SNX7: variants seen among roughly 807,000 people sequenced by gnomAD.
SNX7 encodes sorting nexin-7.
In SNX7, 35 loss-of-function variants were observed where a neutral mutation model predicts 48.4. That is an observed-to-expected ratio of 0.72 (90% CI 0.55 to 0.96). The LOEUF (loss-of-function observed/expected upper bound fraction) is 0.96, where lower values mean the gene tolerates loss of function less well. Among genes scored for constraint, SNX7 ranks in the 40% least tolerant of loss-of-function variants. The pLI is 0.00. For synonymous variants in SNX7, 190 were observed against 190.2 expected, an observed-to-expected ratio of 1.00 and a Z score of 0.01; for missense variants, 553 against 548.9, an observed-to-expected ratio of 1.01 and a Z score of -0.07.
chr1:98,729,555 A>G (rs1653379567), intron 7 of SNX7, among the ~76,000 whole-genome samples: 1 of 152,020 alleles, frequency 6.6e-6, no homozygotes, highest in African/African-American at 2.4e-5. Flanking sequence ...TCAAATAGAC[A>G]CAATAAAAAA....
intron 8 of SNX7, among the ~76,000 whole-genome samples, chr1:98,742,220 G>A (rs1425996455): frequency 6.6e-6 from 1 of 152,072 alleles, no homozygotes; most frequent in Admixed American, 6.6e-5. Context: ...AAAGGGTAGG[G>A]AATTCACAAA....
At chr1:98,664,743 G>A (rs1428098611) in intron 1 of SNX7, among the ~76,000 whole-genome samples, 3 of 152,112 alleles carry the variant, frequency 2.0e-5, no homozygotes, top group Non-Finnish European at 2.9e-5. Context: ...AAGTTGTTCT[G>A]AATTTTCTTA....
chr1:98,676,720 G>A (rs1650185013), intron 1 of SNX7, among the ~76,000 whole-genome samples: 1 of 152,212 alleles, frequency 6.6e-6, no homozygotes, highest in East Asian at 1.9e-4. Flanking sequence ...CCTATTCATA[G>A]TTTCACAAAA....
chr1:98,687,417 A>G (rs1487586346), intron 2 of SNX7, among the ~76,000 whole-genome samples: 1 of 152,086 alleles, frequency 6.6e-6, no homozygotes, highest in Non-Finnish European at 1.5e-5. Flanking sequence ...GACTATATCT[A>G]TATATACAGA....
At chr1:98,703,046 T>C (rs1192132749) in intron 7 of SNX7, among the ~76,000 whole-genome samples, 4 of 152,076 alleles carry the variant, frequency 2.6e-5, no homozygotes, top group African/African-American at 9.7e-5. Context: ...TAATTAGTTT[T>C]CTTTGTATAT....
At chr1:98,737,616 G>A (rs189652018) in intron 7 of SNX7, among the ~76,000 whole-genome samples, 1 of 152,250 alleles carries the variant, frequency 6.6e-6, no homozygotes, top group East Asian at 1.9e-4. Flanking sequence ...TTGATAAGGT[G>A]GGGAAGAGGG....
chr1:98,712,868 C>T (rs975320775), intron 7 of SNX7, among the ~76,000 whole-genome samples: 1 of 152,012 alleles, frequency 6.6e-6, no homozygotes, highest in Non-Finnish European at 1.5e-5. Flanking sequence ...GAGGCGGGCA[C>T]ATCACCTGAG....
chr1:98,722,744 G>A (rs972764958), intron 7 of SNX7, among the ~76,000 whole-genome samples: 1 of 151,222 alleles, frequency 6.6e-6, no homozygotes, highest in Non-Finnish European at 1.5e-5. Context: ...TTATTATTTT[G>A]CTCAAAAATG....
At chr1:98,751,147 C>T (rs1654558855) in intron 8 of SNX7, among the ~76,000 whole-genome samples, 1 of 152,026 alleles carries the variant, frequency 6.6e-6, no homozygotes, top group Admixed American at 6.6e-5. Context: ...AATAGTGATT[C>T]TCAAATGTGG....
At chr1:98,691,350 A>T (rs990736772) in intron 3 of SNX7, among the ~76,000 whole-genome samples, 165 bp downstream of exon 3, 3 of 151,594 alleles carry the variant, frequency 2.0e-5, no homozygotes, top group Non-Finnish European at 4.4e-5. Context: ...TTTTTTTTTA[A>T]AAAAAACTCT....
chr1:98,679,440 A>G (rs150381886), intron 1 of SNX7, among the ~76,000 whole-genome samples: 1 of 152,214 alleles, frequency 6.6e-6, no homozygotes, highest in East Asian at 1.9e-4. Flanking sequence ...GTCCTCACAT[A>G]TCAAAAACAA....
intron 2 of SNX7, 108 bp downstream of exon 2, chr1:98,685,175 A>G (rs2100940786): frequency 1.5e-6 from 1 of 682,906 alleles, no homozygotes; most frequent in Non-Finnish European, 2.2e-6. Flanking sequence ...TCTTAGCTGA[A>G]TTGACTTTTA....
chr1:98,672,065 T>C lies in SNX7; in HGVS notation c.180+10154T>C, dbSNP rs573881847. 1.6e-4 allele frequency among the ~76,000 whole-genome samples: 24 copies of C among 152,284 alleles called. No homozygotes were observed. The South Asian group carries it at 5.0e-3, about 32-fold the overall frequency. On this transcript the variant is annotated intron_variant, in intron 1 of 8. Coordinates refer to ENST00000306121, the MANE Select transcript of SNX7 (RefSeq NM_015976.5). ...TAATTTGTTCTGAGAAAAATGTGCA[T>C]GTGTATTTTGTAATCTAATTGAACA...
chr1:98,727,365 GC>G (rs1653234069), intron 7 of SNX7, among the ~76,000 whole-genome samples: 1 of 152,006 alleles, frequency 6.6e-6, no homozygotes, highest in South Asian at 2.1e-4. Flanking sequence ...CCCATCCAAA[GC>G]TCAGCAACCT....
At chr1:98,735,616 T>A (rs2101030693) in intron 7 of SNX7, among the ~76,000 whole-genome samples, 1 of 152,206 alleles carries the variant, frequency 6.6e-6, no homozygotes, top group East Asian at 1.9e-4. Context: ...TTAATGTCAT[T>A]TTCACCAACT....
intron 8 of SNX7, among the ~76,000 whole-genome samples, chr1:98,748,589 T>C (rs1009050102): frequency 1.3e-5 from 2 of 151,532 alleles, no homozygotes; most frequent in Admixed American, 6.6e-5. Flanking sequence ...GACTACATAC[T>C]ATGGGCCAAT....
At chr1:98,694,226 C>T (rs1354510666) in intron 4 of SNX7, among the ~76,000 whole-genome samples, 9 of 151,404 alleles carry the variant, frequency 5.9e-5, no homozygotes, top group Admixed American at 2.0e-4. Context: ...AAAAATTAGC[C>T]GGGCGCGGTG....
chr1:98,749,021 C>T (rs543433497), intron 8 of SNX7, among the ~76,000 whole-genome samples: 2 of 152,262 alleles, frequency 1.3e-5, no homozygotes, highest in South Asian at 4.1e-4. Flanking sequence ...AACACAAAAA[C>T]AGATAAGCTT....
At chr1:98,662,097 GC>G (rs1187194367) in intron 1 of SNX7, 186 bp downstream of exon 1, 1 of 507,128 alleles carries the variant, frequency 2.0e-6, no homozygotes, top group Non-Finnish European at 3.0e-6. Flanking sequence ...GGGCCGCGTC[GC>G]CTCGGGGCCT....
Sources: gnomAD v4.1 joint callset for allele counts (sites outside exome capture counted in the v4.1 genomes callset) on GRCh38, gnomAD v4.1.1 for gene constraint, MANE v1.5 for transcripts, NCBI Gene and HGNC (gene_info 2026-07-23, HGNC 2026-07-21) for gene names.